DAB1: variants seen among roughly 807,000 people sequenced by gnomAD.
The protein encoded by DAB1 is DAB adaptor protein 1.
Under a neutral mutation model 64.6 loss-of-function variants are expected in DAB1, and 15 were observed. That is an observed-to-expected ratio of 0.23 (90% confidence interval 0.16 to 0.36). The LOEUF (loss-of-function observed/expected upper bound fraction) is 0.36. Among genes scored for constraint, DAB1 ranks in the 10% least tolerant of loss-of-function variants. The probability of loss-of-function intolerance (pLI) is 1.00; values close to 1 mark genes in which losing one functional copy is unlikely to be tolerated. For synonymous variants in DAB1, 235 were observed against 251.9 expected (o/e 0.93, Z 0.64); for missense variants, 596 against 706.7 (o/e 0.84, Z 1.78).
intron 5 of DAB1, among the ~76,000 whole-genome samples, chr1:57,926,435 G>A (rs539153640): frequency 6.6e-6 from 1 of 152,320 alleles, no homozygotes; most frequent in East Asian, 1.9e-4. Context: ...GGGGCCTGGA[G>A]CCAAAGTGGG....
intron 6 of DAB1, among the ~76,000 whole-genome samples, chr1:57,797,558 A>G (rs1444701202): frequency 6.6e-6 from 1 of 152,260 alleles, no homozygotes; most frequent in African/African-American, 2.4e-5. Flanking sequence ...TTAGTGTTGC[A>G]TAAAAGCAAA....
At chr1:57,890,018 G>A (rs1478291390) in intron 5 of DAB1, among the ~76,000 whole-genome samples, 1 of 151,768 alleles carries the variant, frequency 6.6e-6, no homozygotes, top group Non-Finnish European at 1.5e-5. Context: ...AGGAAACACA[G>A]AATACAAGAA....
At chr1:57,336,898 T>C (rs536805486) in intron 1 of DAB1, among the ~76,000 whole-genome samples, 1 of 152,216 alleles carries the variant, frequency 6.6e-6, no homozygotes, top group African/African-American at 2.4e-5. Context: ...CCTCCCAGCA[T>C]GTGACACGGC....
intron 3 of DAB1, among the ~76,000 whole-genome samples, chr1:58,401,495 C>T (rs1467582348): frequency 6.6e-6 from 1 of 152,224 alleles, no homozygotes; most frequent in African/African-American, 2.4e-5. Flanking sequence ...CATCATATCT[C>T]CATCTCCTGC....
intron 2 of DAB1, among the ~76,000 whole-genome samples, chr1:58,508,934 A>T (rs1185129478): frequency 6.6e-6 from 1 of 152,092 alleles, no homozygotes; most frequent in Admixed American, 6.6e-5. Flanking sequence ...GTCTTGTAGC[A>T]CTGATAGGAC....
chr1:57,057,401 T>C (rs879578886), intron 9 of DAB1, among the ~76,000 whole-genome samples: 1 of 152,162 alleles, frequency 6.6e-6, no homozygotes, highest in Non-Finnish European at 1.5e-5. Context: ...AAATGTAGTT[T>C]GAGAAATGGA....
chr1:57,670,976 T>C (rs1646503819), intron 6 of DAB1, among the ~76,000 whole-genome samples: 1 of 152,176 alleles, frequency 6.6e-6, no homozygotes, highest in South Asian at 2.1e-4. Context: ...TTAAATCATC[T>C]CTAGATCATT....
chr1:57,777,147 T>C (rs1649846941), intron 6 of DAB1, among the ~76,000 whole-genome samples: 1 of 150,364 alleles, frequency 6.7e-6, no homozygotes, highest in African/African-American at 2.4e-5. Context: ...ATTTCTTTTT[T>C]TTTTTTTTTT....
chr1:57,969,217 G>C (rs1036336354), intron 5 of DAB1, among the ~76,000 whole-genome samples: 4 of 152,054 alleles, frequency 2.6e-5, no homozygotes, highest in African/African-American at 9.7e-5. Flanking sequence ...TCAAGAATAT[G>C]AATGCCATCA....
chr1:57,659,451 A>G (rs1402658936), intron 6 of DAB1, among the ~76,000 whole-genome samples: 1 of 152,200 alleles, frequency 6.6e-6, no homozygotes, highest in African/African-American at 2.4e-5. Flanking sequence ...ATAGGCCGGA[A>G]CGTACCAGGA....
At chr1:57,741,353 A>C (rs1647982075) in intron 6 of DAB1, among the ~76,000 whole-genome samples, 1 of 152,202 alleles carries the variant, frequency 6.6e-6, no homozygotes, top group African/African-American at 2.4e-5. Flanking sequence ...TTATCCTCAC[A>C]ATAATCCTGC....
chr1:57,422,397 C>T (rs1347685395), intron 1 of DAB1, among the ~76,000 whole-genome samples: 2 of 151,120 alleles, frequency 1.3e-5, no homozygotes, highest in Non-Finnish European at 3.0e-5. Context: ...CGTCCAGCTC[C>T]CAGGCGGAGA....
chr1:58,176,084 C>T (rs1438679169), intron 4 of DAB1, among the ~76,000 whole-genome samples: 13 of 152,178 alleles, frequency 8.5e-5, no homozygotes, highest in Admixed American at 8.5e-4. Context: ...AGACCCTGTA[C>T]ACAGAGCCAC....
chr1:57,613,541 T>C (rs1160790137), intron 7 of DAB1, among the ~76,000 whole-genome samples: 3 of 152,200 alleles, frequency 2.0e-5, no homozygotes, highest in Non-Finnish European at 4.4e-5. Context: ...CTCAGAGCTG[T>C]TTAAATGCAT....
At chr1:57,318,598 G>A (rs1398567240) in intron 1 of DAB1, among the ~76,000 whole-genome samples, 1 of 151,974 alleles carries the variant, frequency 6.6e-6, no homozygotes, top group East Asian at 1.9e-4. Flanking sequence ...CCTCCCAAGG[G>A]AGATAAAAAA....
intron 3 of DAB1, among the ~76,000 whole-genome samples, chr1:58,493,814 A>C (rs1241319803): frequency 2.6e-5 from 4 of 152,110 alleles, no homozygotes; most frequent in African/African-American, 9.7e-5. Flanking sequence ...GGTAGGAAGA[A>C]TCAATATGGT....
At chr1:57,170,787 A>C (rs938817611) in intron 2 of DAB1, among the ~76,000 whole-genome samples, 1 of 152,188 alleles carries the variant, frequency 6.6e-6, no homozygotes, top group African/African-American at 2.4e-5. Flanking sequence ...AGGCTGATAC[A>C]GATGTGAGTT....
chr1:58,544,305 G>A (rs914731050), intron 1 of DAB1, among the ~76,000 whole-genome samples: 10 of 152,022 alleles, frequency 6.6e-5, no homozygotes, highest in Admixed American at 1.3e-4. Context: ...CCCACTAAAT[G>A]CTAGGCACCA....
At chr1:58,426,588 T>C (rs1241849606) in intron 3 of DAB1, among the ~76,000 whole-genome samples, 3 of 152,118 alleles carry the variant, frequency 2.0e-5, no homozygotes, top group Non-Finnish European at 4.4e-5. Context: ...AGGGCTACTG[T>C]TTCAATTCAA....
Sources: gnomAD v4.1 joint callset for allele counts (sites outside exome capture counted in the v4.1 genomes callset) on GRCh38, gnomAD v4.1.1 for gene constraint, MANE v1.5 for transcripts, NCBI Gene and HGNC (gene_info 2026-07-23, HGNC 2026-07-21) for gene names.